Variants in ERC2 observed in about 807,000 individuals in gnomAD.
ERC2 encodes the protein ELKS/RAB6-interacting/CAST family member 2.
A neutral mutation model predicts 114.8 loss-of-function variants in ERC2; 42 were observed. The observed-to-expected ratio is 0.37, with a 90% confidence interval of 0.29 to 0.47. The LOEUF is 0.47. Ranked by LOEUF, ERC2 falls within the 20% of genes least tolerant of loss-of-function variation. The probability of loss-of-function intolerance (pLI) is 0.99; values close to 1 mark genes in which losing one functional copy is unlikely to be tolerated. For synonymous variants in ERC2, 454 were observed against 425.5 expected (o/e 1.07, Z -0.82); for missense variants, 939 against 1,150.7 (o/e 0.82, Z 2.66).
chr3:55,554,212 C>G (rs555427971), intron 17 of ERC2, among the ~76,000 whole-genome samples: 1 of 152,270 alleles, frequency 6.6e-6, no homozygotes, highest in African/African-American at 2.4e-5. Context: ...TTTCCCTTTC[C>G]TGGGCCCCAG....
At chr3:55,528,957 T>A (rs762444790) in intron 17 of ERC2, among the ~76,000 whole-genome samples, 4 of 152,202 alleles carry the variant, frequency 2.6e-5, no homozygotes, top group Non-Finnish European at 5.9e-5. Context: ...CCACATCTTT[T>A]AAGATGAAGA....
chr3:55,881,073 T>C (rs890722554), intron 14 of ERC2, among the ~76,000 whole-genome samples: 31 of 152,346 alleles, frequency 2.0e-4, no homozygotes, highest in African/African-American at 7.5e-4. Flanking sequence ...CTGTCCAAAT[T>C]GCTAGGCACT....
chr3:55,818,937 G>T lies in ERC2; in HGVS notation c.2564+69452C>A, dbSNP rs972244847. Among the ~76,000 whole-genome samples the T allele has an allele frequency of 3.9e-5, 6 of 152,204 alleles. No homozygotes were observed. The East Asian group carries it at 1.2e-3, about 29-fold the overall frequency. Reference sequence around the variant, plus strand: ...CCACAAGTATCTTTATGTCTACTTGGGCACATAGGAAGGAACAAGCTTTTA... The same window carrying T: ...CCACAAGTATCTTTATGTCTACTTGTGCACATAGGAAGGAACAAGCTTTTA... On this transcript the variant is annotated intron_variant, in intron 14 of 17. Coordinates refer to ENST00000288221, the MANE Select transcript of ERC2 (RefSeq NM_015576.3).
intron 3 of ERC2, among the ~76,000 whole-genome samples, chr3:56,241,438 T>G (rs931416349): frequency 3.9e-5 from 6 of 152,330 alleles, no homozygotes; most frequent in Admixed American, 1.3e-4. Context: ...CCTTATACAC[T>G]GTTGGTAGGA....
At chr3:56,151,828 G>A (rs546264709) in intron 4 of ERC2, among the ~76,000 whole-genome samples, 4 of 152,004 alleles carry the variant, frequency 2.6e-5, no homozygotes, top group Admixed American at 6.6e-5. Context: ...CGCTAATCTG[G>A]AATAGAGAAA....
At chr3:56,370,300 G>A (rs543442608) in intron 2 of ERC2, among the ~76,000 whole-genome samples, 3 of 152,308 alleles carry the variant, frequency 2.0e-5, no homozygotes, top group East Asian at 3.9e-4. Context: ...ATGGAATACA[G>A]ATCATTCCCA....
chr3:55,880,905 A>ATAGCCTT (rs1278260849), intron 14 of ERC2, among the ~76,000 whole-genome samples: 1 of 152,178 alleles, frequency 6.6e-6, no homozygotes, highest in African/African-American at 2.4e-5. Context: ...TAATATATGT[A>ATAGCCTT]TAGCCTTTTG....
At chr3:55,520,433 CA>C (rs35883947) in intron 17 of ERC2, among the ~76,000 whole-genome samples, 4,803 of 109,392 alleles carry the variant, frequency 0.044, 133 homozygotes, top group African/African-American at 0.12. Flanking sequence ...GACTCTGTCT[CA>C]AAAAAAAAAA....
intron 3 of ERC2, among the ~76,000 whole-genome samples, chr3:56,280,994 G>T (rs2054300347): frequency 6.6e-6 from 1 of 152,172 alleles, no homozygotes; most frequent in Non-Finnish European, 1.5e-5. Context: ...GGGGAGCTAA[G>T]TAAGAACAGC....
chr3:56,426,288 T>G (rs1427419656), intron 2 of ERC2, among the ~76,000 whole-genome samples: 2 of 152,184 alleles, frequency 1.3e-5, no homozygotes, highest in Non-Finnish European at 2.9e-5. Context: ...CAGGACACTT[T>G]GGAAGGCCCA....
At chr3:55,541,256 A>G (rs1304159135) in intron 17 of ERC2, among the ~76,000 whole-genome samples, 1 of 152,204 alleles carries the variant, frequency 6.6e-6, no homozygotes, top group Non-Finnish European at 1.5e-5. Flanking sequence ...TTTTTTGGCC[A>G]GAACTTCAAA....
chr3:55,970,740 G>A (rs79029993), intron 12 of ERC2, among the ~76,000 whole-genome samples: 5,007 of 152,212 alleles, frequency 0.033, 157 homozygotes, highest in Middle Eastern at 0.082. Flanking sequence ...TATTGCTAGC[G>A]GGAATGTAAA....
intron 17 of ERC2, among the ~76,000 whole-genome samples, chr3:55,601,441 T>C (rs911148400): frequency 1.6e-4 from 25 of 152,322 alleles, no homozygotes; most frequent in African/African-American, 5.8e-4. Flanking sequence ...CATTAATTTG[T>C]TAATTGTTTA....
chr3:55,722,004 C>T (rs779170588), intron 15 of ERC2, among the ~76,000 whole-genome samples: 3 of 152,192 alleles, frequency 2.0e-5, no homozygotes, highest in African/African-American at 7.2e-5. Context: ...GGCGTAAGAA[C>T]AGCCTTGGAT....
At chr3:56,348,897 AAG>A (rs2058425139) in intron 2 of ERC2, among the ~76,000 whole-genome samples, 1 of 69,918 alleles carries the variant, frequency 1.4e-5, no homozygotes. Context: ...GGAAGGAAGG[AAG>A]GAAGGAAAGA....
intron 5 of ERC2, among the ~76,000 whole-genome samples, chr3:56,140,008 G>C (rs2080757367): frequency 6.6e-6 from 1 of 152,118 alleles, no homozygotes; most frequent in Non-Finnish European, 1.5e-5. Context: ...TTACCACCAT[G>C]GTCCTGAGGA....
Position 55,539,415 on chromosome 3 carries a change from C to CTTTT in ERC2, c.*40-28143_*40-28140dup, listed in dbSNP as rs58749389. On this transcript the variant is annotated intron_variant, in intron 17 of 17. Transcript: ENST00000288221. ...TCTCTCTCTCTCTCTTTTTTTCTTT[C>CTTTT]TTTTTTTTTTTTTTTTTTTTTTTTT... Among the ~76,000 whole-genome samples the CTTTT allele has an allele frequency of 3.2e-3, 125 of 39,126 alleles. 3 individuals carry two copies. The highest frequency in any genetic ancestry group is 0.056 in the Middle Eastern group (1 of 18). The allele number at this position is 39,126 out of a possible 152,430, so 25.7% of individuals were successfully genotyped here.
At chr3:56,019,713 C>T (rs965518694) in intron 7 of ERC2, among the ~76,000 whole-genome samples, 2 of 152,164 alleles carry the variant, frequency 1.3e-5, no homozygotes, top group South Asian at 4.1e-4. Flanking sequence ...CTGAAATAAA[C>T]ACGCCAAATA....
intron 14 of ERC2, among the ~76,000 whole-genome samples, chr3:55,735,515 C>T (rs1000190563): frequency 7.9e-5 from 12 of 152,186 alleles, no homozygotes; most frequent in African/African-American, 2.9e-4. Context: ...CCTTTTATAA[C>T]AACCTGCTCT....
Sources: allele counts gnomAD v4.1 joint callset (sites outside exome capture counted in the v4.1 genomes callset), GRCh38; gene constraint gnomAD v4.1.1; transcripts MANE v1.5; gene names NCBI Gene and HGNC (gene_info 2026-07-23, HGNC 2026-07-21).